The following BAALC variants were observed in gnomAD, a reference collection of about 807,000 sequenced individuals.
BAALC encodes the protein brain and acute leukemia cytoplasmic protein.
Under a neutral mutation model 15.5 loss-of-function variants are expected in BAALC, and 9 were observed. That is an observed-to-expected ratio of 0.58 (90% CI 0.35 to 1.02). The LOEUF (loss-of-function observed/expected upper bound fraction) is 1.02. Among genes scored for constraint, BAALC ranks in the 50% least tolerant of loss-of-function variants. BAALC has a pLI of 0.02. For missense variants in BAALC, 201 were observed against 192.4 expected, an observed-to-expected ratio of 1.04 and a Z score of -0.27; for synonymous variants, 80 against 74.6, an observed-to-expected ratio of 1.07 and a Z score of -0.37.
chr8:103,171,269 G>C (rs1044913294), intron 1 of BAALC, among the ~76,000 whole-genome samples: 1 of 130,252 alleles, frequency 7.7e-6, no homozygotes, highest in Non-Finnish European at 1.7e-5. Context: ...AAGGAAAGAA[G>C]AGAAAAAGAA....
intron 1 of BAALC, among the ~76,000 whole-genome samples, chr8:103,209,473 G>A (rs1370032752): frequency 6.6e-6 from 1 of 152,150 alleles, no homozygotes; most frequent in Non-Finnish European, 1.5e-5. Flanking sequence ...AAGGGCTGAA[G>A]GCAGTTCTAC....
intron 1 of BAALC, among the ~76,000 whole-genome samples, chr8:103,187,003 A>G (rs1811853074): frequency 6.6e-6 from 1 of 152,072 alleles, no homozygotes; most frequent in Non-Finnish European, 1.5e-5. Context: ...AAGTCTCCCA[A>G]AGTATTTCAG....
At chr8:103,212,287 A>G (rs569252240) in intron 1 of BAALC, among the ~76,000 whole-genome samples, 32 of 152,048 alleles carry the variant, frequency 2.1e-4, no homozygotes, top group Non-Finnish European at 3.8e-4. Context: ...TCTACAAAAA[A>G]ATATACAAAA....
chr8:103,179,118 G>C (rs1811671876), intron 1 of BAALC, among the ~76,000 whole-genome samples: 1 of 152,178 alleles, frequency 6.6e-6, no homozygotes, highest in African/African-American at 2.4e-5. Context: ...TCAGTTCTCA[G>C]AATTGTAAAC....
chr8:103,212,144 TA>T (rs970719208), intron 1 of BAALC, among the ~76,000 whole-genome samples: 2 of 152,074 alleles, frequency 1.3e-5, no homozygotes, highest in South Asian at 2.1e-4. Flanking sequence ...CTGGAGCTAT[TA>T]AAAAAAATCT....
At chr8:103,191,698 C>T (rs1443252672) in intron 1 of BAALC, among the ~76,000 whole-genome samples, 1 of 151,980 alleles carries the variant, frequency 6.6e-6, no homozygotes, top group African/African-American at 2.4e-5. Flanking sequence ...CAAACTGTTC[C>T]ATCAGAAAAA....
intron 1 of BAALC, among the ~76,000 whole-genome samples, chr8:103,200,215 G>T (rs1812183828): frequency 6.6e-6 from 1 of 152,312 alleles, no homozygotes; most frequent in East Asian, 1.9e-4. Flanking sequence ...TGCTGGTGAG[G>T]TTGTGGAGAA....
In BAALC at chr8:103,228,976, C is replaced by G. The variant is rs770472226; in HGVS notation, c.*877C>G. ...ATTGTTAATCAAAGATTGAACACTG[C>G]GTAGGAGAGGGAGATGATCCAGAGA... On this transcript the variant is annotated 3_prime_UTR_variant, in exon 3 of 3. Coordinates refer to ENST00000309982, the MANE Select transcript of BAALC (RefSeq NM_024812.3). The G allele has an allele frequency of 6.6e-6, 1 of 152,314 alleles. No homozygotes were observed. 9.4% of individuals were successfully genotyped at this position (152,314 alleles called of 1,614,324 possible).
chr8:103,183,483 T>C, intron 1 of BAALC: 2 of 702,450 alleles, frequency 2.8e-6, no homozygotes, highest in Non-Finnish European at 2.6e-6. Flanking sequence ...TAAGAGAGGG[T>C]ATGGGGGGAC....
chr8:103,168,813 T>C (rs528708049), intron 1 of BAALC, among the ~76,000 whole-genome samples: 19 of 152,298 alleles, frequency 1.2e-4, no homozygotes, highest in African/African-American at 4.6e-4. Context: ...GTTTGTTCTC[T>C]TGTTTGGCCA....
chr8:103,218,146 C>T (rs1812602375), intron 2 of BAALC, among the ~76,000 whole-genome samples: 1 of 152,110 alleles, frequency 6.6e-6, no homozygotes, highest in Non-Finnish European at 1.5e-5. Context: ...TGTTTGGAGC[C>T]CTTCTCCACT....
At chr8:103,220,002 C>T (rs1162772264) in intron 2 of BAALC, among the ~76,000 whole-genome samples, 1 of 152,138 alleles carries the variant, frequency 6.6e-6, no homozygotes, top group African/African-American at 2.4e-5. Context: ...TCATTTCCTA[C>T]CTGGGAAAAC....
In BAALC at chr8:103,171,154, G is replaced by A. The variant is rs536321642; in HGVS notation, c.160+30097G>A. Among the ~76,000 whole-genome samples the A allele has an allele frequency of 3.3e-5, 5 of 150,072 alleles. No homozygotes were observed. In the South Asian group the frequency reaches 1.1e-3, roughly 32 times the overall value. The stretch of plus-strand genomic sequence containing the variant: ...GAGAGAAGGAGAGAAGGGAAGAGAA[G>A]GGAAGGGAGAAAGAAAGGAAAGGAA... On this transcript the variant is annotated intron_variant, in intron 1 of 2. Transcript: ENST00000309982.
intron 1 of BAALC, among the ~76,000 whole-genome samples, chr8:103,199,856 G>A (rs2130028089): frequency 6.6e-6 from 1 of 152,136 alleles, no homozygotes; most frequent in Non-Finnish European, 1.5e-5. Flanking sequence ...TTCCCCCTAT[G>A]TGTCCATGTG....
chr8:103,165,832 G>T (rs1586389306), intron 1 of BAALC: 1 of 152,132 alleles, frequency 6.6e-6, no homozygotes, highest in East Asian at 1.9e-4. Context: ...TACCCTCTTT[G>T]TGCCACAGTT....
At chr8:103,189,774 G>T (rs1811924940) in intron 1 of BAALC, among the ~76,000 whole-genome samples, 1 of 152,204 alleles carries the variant, frequency 6.6e-6, no homozygotes, top group Non-Finnish European at 1.5e-5. Context: ...ATTACCATGA[G>T]CCCACAGGAT....
chr8:103,168,351 C>G (rs1332906135), intron 1 of BAALC, among the ~76,000 whole-genome samples: 1 of 152,178 alleles, frequency 6.6e-6, no homozygotes. Context: ...TTCACTCTTT[C>G]ACCTCCATCC....
In BAALC at chr8:103,186,040, G is replaced by A. The variant is rs1355094234; in HGVS notation, c.161-26879G>A. Among the ~76,000 whole-genome samples, 4 of 152,292 alleles carry A rather than the reference G, an allele frequency of 2.6e-5. No individual in the cohort carries two copies. In the East Asian group the frequency reaches 5.8e-4, roughly 22 times the overall value. ...CCACATTGCCCATTTCCACACCTGA[G>A]CACAATGTGAGTGTTGAGTAGATCT... On this transcript the variant is annotated intron_variant, in intron 1 of 2. Transcript: ENST00000309982.
At chr8:103,163,656 C>T (rs1313096940) in intron 1 of BAALC, among the ~76,000 whole-genome samples, 1 of 152,126 alleles carries the variant, frequency 6.6e-6, no homozygotes, top group Non-Finnish European at 1.5e-5. Flanking sequence ...TTTCCAGGCC[C>T]AACTGCTGCC....
Sources: allele counts gnomAD v4.1 joint callset (sites outside exome capture counted in the v4.1 genomes callset), GRCh38; gene constraint gnomAD v4.1.1; transcripts MANE v1.5; gene names NCBI Gene and HGNC (gene_info 2026-07-23, HGNC 2026-07-21).